Variants in GABRR2 observed in about 807,000 individuals in gnomAD.
The protein encoded by GABRR2 is gamma-aminobutyric acid type A receptor subunit rho2.
A neutral mutation model predicts 47.0 loss-of-function variants in GABRR2; 36 were observed. The ratio of observed to expected loss-of-function variants is 0.77; its 90% CI spans 0.59 to 1.01. GABRR2 has a LOEUF of 1.01. Among genes scored for constraint, GABRR2 ranks in the 50% least tolerant of loss-of-function variants. The probability of loss-of-function intolerance (pLI) is 0.00; values close to 1 mark genes in which losing one functional copy is unlikely to be tolerated. For synonymous variants in GABRR2, 204 were observed against 227.5 expected (o/e 0.90, Z 0.93); for missense variants, 587 against 594.6 (o/e 0.99, Z 0.13).
chr6:89,269,887 G>T (rs1393094022), intron 3 of GABRR2, among the ~76,000 whole-genome samples: 2 of 152,194 alleles, frequency 1.3e-5, no homozygotes, highest in African/African-American at 4.8e-5. Context: ...CTCCTTGCCT[G>T]CATGGTTGAT....
intron 1 of GABRR2, chr6:89,301,657 G>T (rs1767442308): frequency 2.1e-6 from 1 of 483,680 alleles, no homozygotes; most frequent in African/African-American, 1.9e-5. Context: ...TAGGAATACA[G>T]CTAACCAGGG....
At chr6:89,302,739 G>A in intron 1 of GABRR2, 1 of 1,412,794 alleles carries the variant, frequency 7.1e-7, no homozygotes. Flanking sequence ...CATGAAGGAG[G>A]TGGACGAGCA....
At chr6:89,297,337 G>A (rs1320278510) in intron 2 of GABRR2, among the ~76,000 whole-genome samples, 3 of 152,104 alleles carry the variant, frequency 2.0e-5, no homozygotes, top group East Asian at 1.9e-4. Context: ...TCAGCTCTGC[G>A]CCAAGACATG....
In GABRR2 at chr6:89,254,909, T is replaced by G. The variant is rs1328779318; in HGVS notation, c.*2761A>C. ...AACACTGTTTATGATTCTAAATATG[T>G]CTGCTATAGAATTAACTCCAGTTTA... On this transcript the variant is annotated 3_prime_UTR_variant, in exon 9 of 9. Coordinates refer to ENST00000402938, the MANE Select transcript of GABRR2 (RefSeq NM_002043.5). 1.3e-5 allele frequency among the ~76,000 whole-genome samples: 2 copies of G among 152,208 alleles called. No homozygotes were observed. Among genetic ancestry groups the G allele is most frequent in the Admixed American group, 1.3e-4 (2 of 15,286 alleles).
intron 2 of GABRR2, among the ~76,000 whole-genome samples, chr6:89,278,069 T>C (rs564663619): frequency 1.8e-3 from 278 of 152,376 alleles, no homozygotes; most frequent in Non-Finnish European, 2.5e-3. Context: ...TGTCTGTCTC[T>C]AGTATAGGAT....
rs959237774 is a variant in GABRR2 at position 89,296,429 on chromosome 6, G to A, written c.220+3330C>T. ...ATCCAAGTGACATCTGGGCATCCAG[G>A]AAAGCCCTGCAGGAGATTACAGGTG... On this transcript the variant is annotated intron_variant, in intron 2 of 8. Coordinates refer to ENST00000402938, the MANE Select transcript of GABRR2 (RefSeq NM_002043.5). 5.9e-5 allele frequency among the ~76,000 whole-genome samples: 9 copies of A among 152,142 alleles called. No homozygotes were observed. In the South Asian group the frequency reaches 1.4e-3, roughly 24 times the overall value.
In GABRR2 at chr6:89,306,875, C is replaced by A. The variant is rs897787673; in HGVS notation, c.114-7010G>T. Among the ~76,000 whole-genome samples, 6 of 152,192 alleles carry A rather than the reference C, an allele frequency of 3.9e-5. No individual in the cohort carries two copies. The South Asian group carries it at 1.0e-3, about 26-fold the overall frequency. On this transcript the variant is annotated intron_variant, in intron 1 of 8. Transcript: ENST00000402938. ...AAGGAAAAAGGAGGAAGAGAAGGAA[C>A]CTTCACACAGCCAGGCTAATCCACA... is the stretch of plus-strand genomic sequence containing the variant.
At position 89,292,740 on chromosome 6, in the gene GABRR2, ATAATCGTATATATC is replaced by A. The variant is rs1374894514; in HGVS notation, c.220+7005_220+7018del. Among the ~76,000 whole-genome samples the A allele has an allele frequency of 1.7e-5, 2 of 117,888 alleles. 1 individual carries two copies. The highest frequency in any genetic ancestry group is 4.4e-4 in the East Asian group (2 of 4,566). 77.3% of individuals were successfully genotyped at this position (117,888 alleles called of 152,430 possible). The stretch of plus-strand genomic sequence containing the variant: ...CAGATATATATCGTATATATCATAT[ATAATCGTATATATC>A]GTATATACGATATATCGTATATATC... On this transcript the variant is annotated intron_variant, in intron 2 of 8. Coordinates refer to ENST00000402938, the MANE Select transcript of GABRR2 (RefSeq NM_002043.5).
rs763564107 is a variant in GABRR2 at position 89,268,993 on chromosome 6, T to C, written c.512+18A>G. The C allele has an allele frequency of 1.2e-5, 19 of 1,606,784 alleles. No individual in the cohort carries two copies. Among genetic ancestry groups the C allele is most frequent in the South Asian group, 6.6e-5 (6 of 90,924 alleles). ...AGAAAGGCACTGGACAGAGGAACAA[T>C]GGCCCCCAGACAGCTACCTCATGCT... On this transcript the variant is annotated intron_variant, in intron 4 of 8. Coordinates refer to ENST00000402938, the MANE Select transcript of GABRR2 (RefSeq NM_002043.5).
intron 1 of GABRR2, among the ~76,000 whole-genome samples, chr6:89,305,743 G>A (rs1287456352): frequency 6.6e-6 from 1 of 152,006 alleles, no homozygotes; most frequent in Non-Finnish European, 1.5e-5. Context: ...TGGGAGCTAA[G>A]TGATGAGAAC....
At chr6:89,281,371 G>A (rs907087987) in intron 2 of GABRR2, among the ~76,000 whole-genome samples, 2 of 151,774 alleles carry the variant, frequency 1.3e-5, no homozygotes, top group African/African-American at 4.9e-5. Flanking sequence ...TCACACAAGA[G>A]ACAGCTTTTG....
intron 2 of GABRR2, among the ~76,000 whole-genome samples, chr6:89,287,693 G>A (rs1421789665): frequency 6.6e-6 from 1 of 152,242 alleles, no homozygotes; most frequent in Non-Finnish European, 1.5e-5. Flanking sequence ...AGGATTAGAA[G>A]GTGACTGAGT....
intron 2 of GABRR2, among the ~76,000 whole-genome samples, chr6:89,284,431 G>A (rs1304402399): frequency 2.6e-5 from 4 of 152,196 alleles, no homozygotes; most frequent in Non-Finnish European, 5.9e-5. Flanking sequence ...AGATAATTAA[G>A]GTAGCGAATC....
intron 2 of GABRR2, among the ~76,000 whole-genome samples, chr6:89,295,010 T>G (rs1427087491): frequency 6.6e-6 from 1 of 152,140 alleles, no homozygotes; most frequent in Non-Finnish European, 1.5e-5. Flanking sequence ...ATGGTGTATA[T>G]GTGCCACATT....
chr6:89,281,480 A>G (rs567614837), intron 2 of GABRR2, among the ~76,000 whole-genome samples: 113 of 152,310 alleles, frequency 7.4e-4, no homozygotes, highest in Middle Eastern at 3.4e-3. Flanking sequence ...AGCGGGAGGA[A>G]GAAGGGCACT....
chr6:89,266,636 C>T (rs1773902507), intron 6 of GABRR2, among the ~76,000 whole-genome samples: 1 of 152,188 alleles, frequency 6.6e-6, no homozygotes, highest in Non-Finnish European at 1.5e-5. Flanking sequence ...ACCCAGGCCT[C>T]CAATGCCCAG....
intron 1 of GABRR2, chr6:89,302,773 ACAG>A (rs1767479725): frequency 2.8e-6 from 4 of 1,443,180 alleles, no homozygotes; most frequent in Non-Finnish European, 3.8e-6. Context: ...CAGAGCAAGA[ACAG>A]CAGCTACTTC....
chr6:89,298,918 G>A (rs1774600681), intron 2 of GABRR2, among the ~76,000 whole-genome samples: 2 of 152,174 alleles, frequency 1.3e-5, no homozygotes. Flanking sequence ...CACTATGTGA[G>A]GTTACAGTGA....
intron 4 of GABRR2, 33 bp from the exon 5 acceptor site, chr6:89,268,129 CGGTG>C: frequency 6.5e-7 from 1 of 1,537,722 alleles, no homozygotes; most frequent in South Asian, 1.2e-5. Flanking sequence ...TTGGCTTGTG[CGGTG>C]AATTATTGGC....
Sources: allele counts gnomAD v4.1 joint callset (sites outside exome capture counted in the v4.1 genomes callset), GRCh38; gene constraint gnomAD v4.1.1; transcripts MANE v1.5; gene names NCBI Gene and HGNC (gene_info 2026-07-23, HGNC 2026-07-21).